USP6NL: variants seen among roughly 807,000 people sequenced by gnomAD.
USP6NL encodes USP6 N-terminal like.
Under a neutral mutation model 61.9 loss-of-function variants are expected in USP6NL, and 26 were observed. That is an observed-to-expected ratio of 0.42 (90% CI 0.31 to 0.58). The LOEUF (loss-of-function observed/expected upper bound fraction) is 0.58. Ranked by LOEUF, USP6NL falls within the 20% of genes least tolerant of loss-of-function variation. The probability of loss-of-function intolerance (pLI) is 0.16; values close to 1 mark genes in which losing one functional copy is unlikely to be tolerated. For missense variants in USP6NL, 1,114 were observed against 1,034.3 expected, an observed-to-expected ratio of 1.08 and a Z score of -1.06; for synonymous variants, 432 against 390.1, an observed-to-expected ratio of 1.11 and a Z score of -1.27.
At chr10:11,471,884 G>A (rs1346421219) in intron 14 of USP6NL, among the ~76,000 whole-genome samples, 1 of 151,044 alleles carries the variant, frequency 6.6e-6, no homozygotes, top group East Asian at 1.9e-4. Context: ...TAAATGACGA[G>A]TTAATGGGTG....
intron 1 of USP6NL, among the ~76,000 whole-genome samples, chr10:11,604,256 C>T (rs913321363): frequency 1.3e-5 from 2 of 152,210 alleles, no homozygotes; most frequent in African/African-American, 4.8e-5. Context: ...CTTTCTAGCA[C>T]TGTATGATTT....
rs890269806 is a variant in USP6NL at position 11,499,337 on chromosome 10, T to C, written c.384+1764A>G. 9.2e-5 allele frequency among the ~76,000 whole-genome samples: 14 copies of C among 152,196 alleles called. No individual in the cohort carries two copies. Among genetic ancestry groups the C allele is most frequent in the African/African-American group, 3.4e-4 (14 of 41,448 alleles). Reference sequence around the variant, plus strand: ...TTCTTTTGTTGTAGTTGCTGTCAGATTTTACTAAATGGTTCTCTTGTATTA... The same window carrying C: ...TTCTTTTGTTGTAGTTGCTGTCAGACTTTACTAAATGGTTCTCTTGTATTA... On this transcript the variant is annotated intron_variant, in intron 7 of 14. Coordinates refer to ENST00000609104, the MANE Select transcript of USP6NL (RefSeq NM_014688.5). The surrounding 1 kb of genome is among the most constrained non-coding windows in gnomAD (Gnocchi z 4.5).
chr10:11,493,269 ATTAG>A, intron 7 of USP6NL, 41 bp from the exon 8 acceptor site: 1 of 1,521,510 alleles, frequency 6.6e-7, no homozygotes, highest in African/African-American at 1.4e-5. Context: ...TTTTATGGAA[ATTAG>A]TTGTTGAAAA....
At chr10:11,533,802 T>C (rs1031610146) in intron 2 of USP6NL, among the ~76,000 whole-genome samples, 1 of 152,216 alleles carries the variant, frequency 6.6e-6, no homozygotes, top group East Asian at 1.9e-4. Flanking sequence ...AACACAGGAT[T>C]CAAAGTTTAC....
rs1336383342 is a variant in USP6NL at position 11,611,013 on chromosome 10, A to G, written c.-84+430T>C. On this transcript the variant is annotated intron_variant, in intron 1 of 14. Transcript: ENST00000609104. The surrounding 1 kb of genome is among the most constrained non-coding windows in gnomAD (Gnocchi z 5.3). ...CCCATCCTCCCCTCGCCTGGTCCAA[A>G]CAAAGTTCCGCGGCATCAAGGCAGT... Among the ~76,000 whole-genome samples, 4 of 151,948 alleles carry G rather than the reference A, an allele frequency of 2.6e-5. No individual in the cohort carries two copies. Among genetic ancestry groups the G allele is most frequent in the Non-Finnish European group, 4.4e-5 (3 of 67,884 alleles).
chr10:11,473,209 C>T (rs920827044), intron 14 of USP6NL, among the ~76,000 whole-genome samples: 1 of 149,550 alleles, frequency 6.7e-6, no homozygotes, highest in Non-Finnish European at 1.5e-5. Flanking sequence ...CTAAAAAATA[C>T]ATTAGGATTT....
chr10:11,606,261 C>A (rs370450233), intron 1 of USP6NL, among the ~76,000 whole-genome samples: 1 of 152,178 alleles, frequency 6.6e-6, no homozygotes, highest in African/African-American at 2.4e-5. Flanking sequence ...CAAAATATAT[C>A]TTTCCAGAAT....
At chr10:11,603,237 A>G (rs1439196611) in intron 1 of USP6NL, among the ~76,000 whole-genome samples, 1 of 152,180 alleles carries the variant, frequency 6.6e-6, no homozygotes, top group African/African-American at 2.4e-5. Flanking sequence ...GTTTCCAGAC[A>G]GACTTATCAA....
intron 10 of USP6NL, among the ~76,000 whole-genome samples, chr10:11,488,753 C>T (rs1253312420): frequency 6.6e-6 from 1 of 152,224 alleles, no homozygotes; most frequent in East Asian, 1.9e-4. Context: ...ATTTCATGAC[C>T]ATCTAAAAGT....
chr10:11,568,269 C>T (rs1389273532), intron 2 of USP6NL, among the ~76,000 whole-genome samples: 1 of 152,052 alleles, frequency 6.6e-6, no homozygotes, highest in Non-Finnish European at 1.5e-5. Context: ...ACAAAAATGG[C>T]TTCAAGAAAC....
chr10:11,590,315 T>C (rs1449857791), intron 2 of USP6NL, among the ~76,000 whole-genome samples: 2 of 152,176 alleles, frequency 1.3e-5, no homozygotes, highest in African/African-American at 4.8e-5. Context: ...AATATCAATT[T>C]CACACTACAG....
chr10:11,555,664 C>A (rs1230605461), intron 2 of USP6NL, among the ~76,000 whole-genome samples: 1 of 151,348 alleles, frequency 6.6e-6, no homozygotes, highest in Non-Finnish European at 1.5e-5. Flanking sequence ...GTTCAAGAGG[C>A]ACAACAAACC....
Position 11,532,370 on chromosome 10 carries a change from T to C in USP6NL, c.5-4803A>G. Reference sequence around the variant, plus strand: ...GCAGAGGCAGCTCTACTTTAAACTATCTGTGAAACAAGCACAAGAAGAAAA... The same window carrying C: ...GCAGAGGCAGCTCTACTTTAAACTACCTGTGAAACAAGCACAAGAAGAAAA... On this transcript the variant is annotated intron_variant, in intron 2 of 14. Coordinates refer to ENST00000609104, the MANE Select transcript of USP6NL (RefSeq NM_014688.5). The surrounding 1 kb of genome is among the most constrained non-coding windows in gnomAD (Gnocchi z 4.1). 6 of 617,398 alleles carry C rather than the reference T, an allele frequency of 9.7e-6. No homozygotes were observed. The highest frequency in any genetic ancestry group is 1.6e-5 in the Non-Finnish European group (6 of 381,516). 38.2% of individuals were successfully genotyped at this position (617,398 alleles called of 1,614,324 possible).
At chr10:11,472,146 A>T (rs11595052) in intron 14 of USP6NL, among the ~76,000 whole-genome samples, 19,332 of 152,246 alleles carry the variant, frequency 0.13, 1,653 homozygotes, top group Non-Finnish European at 0.19. Context: ...GCTTCAACAA[A>T]AAGGAATGTA....
Position 11,463,058 on chromosome 10 carries a change from G to C in USP6NL, c.1870C>G (p.Arg624Gly). The change falls in exon 15 of 15, where the codon CGA becomes GGA. Residue 624 changes from arginine (R) to glycine (G), a missense_variant. Arg to Gly is a moderately radical substitution (Grantham distance 125). Coordinates refer to ENST00000609104, the MANE Select transcript of USP6NL (RefSeq NM_014688.5). The surrounding 1 kb of genome is among the most constrained non-coding windows in gnomAD (Gnocchi z 6.3). ...RYPSQLDGEA[R>G]GLAHPPSYSN... The stretch of plus-strand genomic sequence containing the variant: ...TAGGAGGGGGGATGAGCTAGCCCTC[G>C]GGCTTCCCCATCTAGCTGGGACGGA... The C allele has an allele frequency of 2.5e-6, 4 of 1,614,014 alleles. No homozygotes were observed. Among genetic ancestry groups the C allele is most frequent in the Non-Finnish European group, 2.5e-6 (3 of 1,179,902 alleles).
Position 11,493,236 on chromosome 10 carries a change from G to A in USP6NL, c.385-8C>T. ...TGCTCTGTGTTTTAATTTCTGAAGA[G>A]AGAAAGAGAGAACAGAACAGATTTT... On this transcript the variant is annotated splice_region_variant and splice_polypyrimidine_tract_variant and intron_variant, in intron 7 of 14. Transcript: ENST00000609104. 1.9e-6 allele frequency: 3 copies of A among 1,593,980 alleles called. No homozygotes were observed. Among genetic ancestry groups the A allele is most frequent in the Non-Finnish European group, 1.7e-6 (2 of 1,167,330 alleles).
At chr10:11,606,042 G>T (rs537819267) in intron 1 of USP6NL, among the ~76,000 whole-genome samples, 89 of 152,232 alleles carry the variant, frequency 5.8e-4, no homozygotes, top group Non-Finnish European at 9.4e-4. Flanking sequence ...ACAAGAAATG[G>T]TGCAAGAGGG....
chr10:11,581,142 TG>T (rs1417493075), intron 2 of USP6NL, among the ~76,000 whole-genome samples: 1 of 152,122 alleles, frequency 6.6e-6, no homozygotes, highest in Non-Finnish European at 1.5e-5. Context: ...ATAATAATAA[TG>T]AATGTTCACT....
rs1473183437 is a variant in USP6NL at position 11,489,420 on chromosome 10, G to T, written c.544-198C>A. Among the ~76,000 whole-genome samples the T allele has an allele frequency of 6.6e-6, 1 of 152,152 alleles. No homozygotes were observed. Among genetic ancestry groups the T allele is most frequent in the East Asian group, 1.9e-4 (1 of 5,202 alleles). Reference sequence around the variant, plus strand: ...AATTGTGCTAAAAAATAAATGCACAGGTACAAAGTCTAAATTGCTACATAT... The same window carrying T: ...AATTGTGCTAAAAAATAAATGCACATGTACAAAGTCTAAATTGCTACATAT... On this transcript the variant is annotated intron_variant, in intron 9 of 14. Transcript: ENST00000609104. The surrounding 1 kb of genome is among the most constrained non-coding windows in gnomAD (Gnocchi z 5.7).
Sources: gnomAD v4.1 joint callset for allele counts (sites outside exome capture counted in the v4.1 genomes callset) on GRCh38, gnomAD v4.1.1 for gene constraint, Gnocchi (gnomAD v3.1) non-coding constraint, MANE v1.5 for transcripts, NCBI Gene and HGNC (gene_info 2026-07-23, HGNC 2026-07-21) for gene names.